Variants in ELMO1 observed in about 807,000 individuals in gnomAD.
ELMO1 encodes the protein engulfment and cell motility 1, also known as engulfment and cell motility protein 1.
Under a neutral mutation model 98.9 loss-of-function variants are expected in ELMO1, and 26 were observed. The ratio of observed to expected loss-of-function variants is 0.26; its 90% CI spans 0.19 to 0.36. The LOEUF (loss-of-function observed/expected upper bound fraction) is 0.36. Among genes scored for constraint, ELMO1 ranks in the 10% least tolerant of loss-of-function variants. The pLI is 1.00. For missense variants in ELMO1, 627 were observed against 935.2 expected (o/e 0.67, Z 4.30); for synonymous variants, 346 against 346.0 (o/e 1.00, Z 0.00).
At chr7:37,189,654 A>T (rs1791454080) in intron 13 of ELMO1, among the ~76,000 whole-genome samples, 1 of 152,330 alleles carries the variant, frequency 6.6e-6, no homozygotes, top group African/African-American at 2.4e-5. Context: ...AGCTTAAGCA[A>T]TGATCTCCCA....
intron 19 of ELMO1, among the ~76,000 whole-genome samples, chr7:36,875,811 T>A (rs1803913753): frequency 6.6e-6 from 1 of 152,192 alleles, no homozygotes; most frequent in Admixed American, 6.5e-5. Context: ...CACAAGGCTT[T>A]GTTGCTGTGG....
In ELMO1 at chr7:37,225,476, T is replaced by C. The variant is rs117427848; in HGVS notation, c.550-446A>G. Among the ~76,000 whole-genome samples the C allele has an allele frequency of 8.2e-3, 1,250 of 152,334 alleles. 8 individuals carry two copies. The highest frequency in any genetic ancestry group is 0.037 in the Middle Eastern group (11 of 294). ...ATCCATGGCTTTTATATGCTTATTA[T>C]GTTCTTGTTGCATTCTTAAGGGACT... On this transcript the variant is annotated intron_variant, in intron 8 of 21. Transcript: ENST00000310758.
intron 16 of ELMO1, among the ~76,000 whole-genome samples, chr7:36,901,347 A>G (rs183381741): frequency 3.9e-4 from 59 of 152,294 alleles, no homozygotes; most frequent in African/African-American, 1.3e-3. Flanking sequence ...TTTTAGGACA[A>G]TGAGGCTTAG....
At chr7:37,067,274 C>T (rs553743924) in intron 15 of ELMO1, among the ~76,000 whole-genome samples, 1 of 152,084 alleles carries the variant, frequency 6.6e-6, no homozygotes, top group Non-Finnish European at 1.5e-5. Flanking sequence ...GGTGCCCCAT[C>T]AATTGAAAAG....
At chr7:37,406,278 T>TC (rs1562670539) in intron 1 of ELMO1, among the ~76,000 whole-genome samples, 3 of 151,832 alleles carry the variant, frequency 2.0e-5, no homozygotes, top group African/African-American at 7.3e-5. Context: ...TTTTTTTTTT[T>TC]TCTCTCTTTG....
At chr7:37,288,530 G>A (rs1562584412) in intron 4 of ELMO1, among the ~76,000 whole-genome samples, 1 of 152,130 alleles carries the variant, frequency 6.6e-6, no homozygotes, top group Non-Finnish European at 1.5e-5. Context: ...CCCACCTTGT[G>A]TCACCTCTTT....
At chr7:37,331,288 G>C (rs1275652062) in intron 2 of ELMO1, among the ~76,000 whole-genome samples, 2 of 149,052 alleles carry the variant, frequency 1.3e-5, no homozygotes, top group African/African-American at 4.9e-5. Flanking sequence ...TCCTGCCTCA[G>C]CCTCCCGAGT....
chr7:36,858,517 C>T (rs2129031347), intron 21 of ELMO1, among the ~76,000 whole-genome samples: 1 of 152,308 alleles, frequency 6.6e-6, no homozygotes, highest in Middle Eastern at 3.4e-3. Flanking sequence ...ACATCCTACT[C>T]CCTGGATCCT....
chr7:36,954,308 G>A (rs867445786), intron 16 of ELMO1, among the ~76,000 whole-genome samples: 4 of 152,134 alleles, frequency 2.6e-5, no homozygotes, highest in African/African-American at 9.7e-5. Flanking sequence ...TCAGAATTAG[G>A]GTTCTGGCCA....
rs1189883859 is a variant in ELMO1 at position 37,161,998 on chromosome 7, C to CA, written c.1087-28765dup. On this transcript the variant is annotated intron_variant, in intron 13 of 21. Coordinates refer to ENST00000310758, the MANE Select transcript of ELMO1 (RefSeq NM_014800.11). The stretch of plus-strand genomic sequence containing the variant: ...AGGTGAGTTTGTAAATAGGTCAACA[C>CA]AAAAAAAAAGGGGAGGAGGGAAGGA... Among the ~76,000 whole-genome samples, 276 of 116,036 alleles carry CA rather than the reference C, an allele frequency of 2.4e-3. 1 individual carries two copies. The highest frequency in any genetic ancestry group is 8.4e-3 in the African/African-American group (265 of 31,642). The allele number at this position is 116,036 out of a possible 152,430, so 76.1% of individuals were successfully genotyped here. A position where few individuals can be genotyped will look rare whatever the true frequency, so the allele number is the denominator to read the frequency against.
At chr7:37,105,144 C>T (rs953303809) in intron 14 of ELMO1, among the ~76,000 whole-genome samples, 18 of 152,170 alleles carry the variant, frequency 1.2e-4, no homozygotes, top group East Asian at 3.8e-4. Context: ...AAGCAGGACG[C>T]GCAAAACACA....
chr7:37,026,320 CT>C (rs1244626910), intron 15 of ELMO1, among the ~76,000 whole-genome samples: 2 of 152,094 alleles, frequency 1.3e-5, no homozygotes, highest in East Asian at 3.9e-4. Flanking sequence ...ACACCTTAAC[CT>C]GGGGCTCAGA....
intron 15 of ELMO1, among the ~76,000 whole-genome samples, chr7:37,056,525 T>C (rs1472545899): frequency 6.6e-6 from 1 of 152,116 alleles, no homozygotes; most frequent in Non-Finnish European, 1.5e-5. Flanking sequence ...AATCCATCAG[T>C]TTTTGAAGAG....
At chr7:37,229,818 T>A (rs933997510) in intron 8 of ELMO1, among the ~76,000 whole-genome samples, 1 of 152,232 alleles carries the variant, frequency 6.6e-6, no homozygotes, top group Non-Finnish European at 1.5e-5. Context: ...ATGAAATAGA[T>A]TAAATGTGCT....
chr7:37,125,338 A>G (rs988067896), intron 14 of ELMO1, among the ~76,000 whole-genome samples: 2 of 152,174 alleles, frequency 1.3e-5, no homozygotes, highest in African/African-American at 4.8e-5. Context: ...CTACCATCAG[A>G]GTGAACAGGC....
chr7:37,351,800 A>T (rs1583610609), intron 1 of ELMO1, among the ~76,000 whole-genome samples: 1 of 152,112 alleles, frequency 6.6e-6, no homozygotes, highest in Admixed American at 6.5e-5. Context: ...GAAGTTACAC[A>T]CTCTAACCTT....
chr7:37,376,605 G>A (rs1377189658), intron 1 of ELMO1, among the ~76,000 whole-genome samples: 2 of 152,104 alleles, frequency 1.3e-5, no homozygotes, highest in African/African-American at 4.8e-5. Flanking sequence ...AACTGACTCA[G>A]CGCATGAAGA....
rs1801281999 is a variant in ELMO1, at chr7:37,351,826, TGG to T, written c.-73-9065_-73-9064del. 2.0e-5 allele frequency among the ~76,000 whole-genome samples: 3 copies of T among 152,228 alleles called. No homozygotes were observed. In the East Asian group the frequency reaches 5.8e-4, roughly 29 times the overall value. ...CTCTAACCTTGCAGTCAAGAGGAAA[TGG>T]TCTTTTGCTCCCCAATTCTAGAGCT... On this transcript the variant is annotated intron_variant, in intron 1 of 21. Transcript: ENST00000310758.
intron 1 of ELMO1, among the ~76,000 whole-genome samples, chr7:37,448,014 G>A (rs1003677423): frequency 1.3e-5 from 2 of 151,960 alleles, no homozygotes; most frequent in African/African-American, 4.8e-5. Context: ...TCTCGGCGGA[G>A]ACCCCGGTGT....
Sources: gnomAD v4.1 joint callset for allele counts (sites outside exome capture counted in the v4.1 genomes callset) on GRCh38, gnomAD v4.1.1 for gene constraint, MANE v1.5 for transcripts, NCBI Gene and HGNC (gene_info 2026-07-23, HGNC 2026-07-21) for gene names.